Variants in NRCAM observed in about 807,000 individuals in gnomAD.
The protein encoded by NRCAM is neuronal cell adhesion molecule, also known as NgCAM-related cell adhesion molecule.
NRCAM carries 83 observed loss-of-function variants against 156.5 expected under a neutral mutation model. The observed-to-expected ratio is 0.53, with a 90% CI of 0.44 to 0.64. NRCAM has a LOEUF of 0.64. Among genes scored for constraint, NRCAM ranks in the 30% least tolerant of loss-of-function variants. The pLI, the probability that NRCAM is intolerant of heterozygous loss-of-function variation, is 0.00. For synonymous variants in NRCAM, 538 were observed against 563.9 expected, an observed-to-expected ratio of 0.95 and a Z score of 0.65; for missense variants, 1,417 against 1,597.3, an observed-to-expected ratio of 0.89 and a Z score of 1.92.
At chr7:108,318,334 C>T (rs1010925237) in intron 2 of NRCAM, among the ~76,000 whole-genome samples, 2 of 151,904 alleles carry the variant, frequency 1.3e-5, no homozygotes, top group African/African-American at 2.4e-5. Context: ...TGTGAGCCCC[C>T]GCACCTGGCC....
intron 2 of NRCAM, among the ~76,000 whole-genome samples, chr7:108,332,528 T>A (rs933701652): frequency 6.6e-5 from 10 of 152,278 alleles, no homozygotes; most frequent in Admixed American, 5.2e-4. Flanking sequence ...AGAGTACATA[T>A]GGGTTTTCCA....
intron 1 of NRCAM, among the ~76,000 whole-genome samples, chr7:108,419,363 G>A (rs1806155036): frequency 6.6e-6 from 1 of 152,070 alleles, no homozygotes; most frequent in African/African-American, 2.4e-5. Flanking sequence ...TTACTTCACA[G>A]GGAAGAATAT....
At chr7:108,395,360 A>G (rs771076142) in intron 2 of NRCAM, among the ~76,000 whole-genome samples, 3 of 152,210 alleles carry the variant, frequency 2.0e-5, no homozygotes, top group Non-Finnish European at 4.4e-5. Context: ...CTGATTAGAA[A>G]TCTGTTGTCA....
At chr7:108,242,812 G>A (rs2095624758) in intron 3 of NRCAM, among the ~76,000 whole-genome samples, 1 of 152,108 alleles carries the variant, frequency 6.6e-6, no homozygotes, top group Non-Finnish European at 1.5e-5. Context: ...ACACTTGTAA[G>A]ATCTTAAACA....
intron 2 of NRCAM, among the ~76,000 whole-genome samples, chr7:108,378,632 AACAC>A (rs3077977): frequency 0.14 from 16,622 of 115,076 alleles, 1,399 homozygotes; most frequent in Non-Finnish European, 0.17. Context: ...AGCAGGATTC[AACAC>A]ACACACACAC....
chr7:108,385,395 T>A (rs571214507), intron 2 of NRCAM, among the ~76,000 whole-genome samples: 1 of 152,252 alleles, frequency 6.6e-6, no homozygotes, highest in East Asian at 1.9e-4. Context: ...ATTTCAGAGA[T>A]GTGACACAAA....
chr7:108,179,109 C>T (rs1015098466), intron 25 of NRCAM, among the ~76,000 whole-genome samples: 5 of 152,168 alleles, frequency 3.3e-5, no homozygotes, highest in Admixed American at 6.5e-5. Flanking sequence ...TAGGGGATCA[C>T]AGACCCTTTT....
At chr7:108,396,772 C>A (rs1394891357) in intron 2 of NRCAM, among the ~76,000 whole-genome samples, 1 of 152,054 alleles carries the variant, frequency 6.6e-6, no homozygotes, top group African/African-American at 2.4e-5. Context: ...ATATCCTGTG[C>A]CTAAAAGTGT....
chr7:108,441,901 G>C (rs1203282488), intron 1 of NRCAM, among the ~76,000 whole-genome samples: 1 of 152,168 alleles, frequency 6.6e-6, no homozygotes, highest in Non-Finnish European at 1.5e-5. Context: ...GCCCTTCATA[G>C]AAACAATTTG....
At chr7:108,225,568 A>G (rs2093302837) in intron 10 of NRCAM, 77 bp downstream of exon 10, 3 of 851,232 alleles carry the variant, frequency 3.5e-6, no homozygotes, top group East Asian at 4.8e-5. Context: ...ATAAGGTTAA[A>G]TAGTCATGGA....
At position 108,197,949 on chromosome 7, in the gene NRCAM, A is replaced by C; in HGVS notation, c.1351+7T>G. The stretch of plus-strand genomic sequence containing the variant: ...TTTGCCATGTCTTTAATAAAATGAG[A>C]GCTTACCCAGCACATTTACAAATGC... On this transcript the variant is annotated splice_region_variant and intron_variant, in intron 14 of 32. Coordinates refer to ENST00000379028, the MANE Select transcript of NRCAM (RefSeq NM_001037132.4). 6.4e-7 allele frequency: 1 copy of C among 1,556,336 alleles called. No homozygotes were observed. The highest frequency in any genetic ancestry group is 1.2e-5 in the South Asian group (1 of 81,152).
chr7:108,273,069 A>C (rs1235663108), intron 3 of NRCAM, among the ~76,000 whole-genome samples: 2 of 152,188 alleles, frequency 1.3e-5, no homozygotes, highest in Non-Finnish European at 2.9e-5. Context: ...CCTACAAAGG[A>C]CATGAACTCA....
chr7:108,182,973 CT>C, intron 22 of NRCAM, 53 bp from the exon 23 acceptor site: 1 of 1,414,588 alleles, frequency 7.1e-7, no homozygotes, highest in Non-Finnish European at 9.9e-7. Context: ...ACTGCACAAT[CT>C]TTTACAGGAA....
chr7:108,260,313 A>G (rs1259774283), intron 3 of NRCAM, among the ~76,000 whole-genome samples: 1 of 152,232 alleles, frequency 6.6e-6, no homozygotes, highest in Non-Finnish European at 1.5e-5. Context: ...CTGTACTCAC[A>G]GTGCCAGAGT....
At chr7:108,234,436 T>G (rs1188977437) in intron 6 of NRCAM, 147 bp downstream of exon 6, 1 of 611,136 alleles carries the variant, frequency 1.6e-6, no homozygotes, top group Non-Finnish European at 2.9e-6. Context: ...GGCAATCTAG[T>G]GAGTCACAGT....
intron 25 of NRCAM, 74 bp from the exon 26 acceptor site, chr7:108,178,186 T>C (rs1409566312): frequency 1.3e-5 from 19 of 1,497,394 alleles, no homozygotes; most frequent in African/African-American, 8.3e-5. Context: ...CATTTCACCG[T>C]GCTCGCACGA....
intron 1 of NRCAM, among the ~76,000 whole-genome samples, chr7:108,421,289 A>G (rs1809423249): frequency 6.6e-6 from 1 of 152,226 alleles, no homozygotes; most frequent in African/African-American, 2.4e-5. Context: ...ATATTAGTAT[A>G]TTTTAGCTAA....
chr7:108,284,729 G>A (rs1157353670), intron 3 of NRCAM, among the ~76,000 whole-genome samples: 1 of 152,140 alleles, frequency 6.6e-6, no homozygotes, highest in Non-Finnish European at 1.5e-5. Flanking sequence ...TTACTTGTCT[G>A]TCCCCAGGAA....
At chr7:108,186,944 C>T (rs1000251399) in intron 20 of NRCAM, among the ~76,000 whole-genome samples, 1 of 152,122 alleles carries the variant, frequency 6.6e-6, no homozygotes, top group Non-Finnish European at 1.5e-5. Context: ...TAAAGTTGAA[C>T]CTGTAATCTG....
Sources: allele counts gnomAD v4.1 joint callset (sites outside exome capture counted in the v4.1 genomes callset), GRCh38; gene constraint gnomAD v4.1.1; transcripts MANE v1.5; gene names NCBI Gene and HGNC (gene_info 2026-07-23, HGNC 2026-07-21).